SCFD1: variants seen among roughly 807,000 people sequenced by gnomAD.
SCFD1 encodes sec1 family domain-containing protein 1.
A neutral mutation model predicts 103.2 loss-of-function variants in SCFD1; 37 were observed. That is an observed-to-expected ratio of 0.36 (90% CI 0.28 to 0.47). The LOEUF (loss-of-function observed/expected upper bound fraction) is 0.47. Among genes scored for constraint, SCFD1 ranks in the 20% least tolerant of loss-of-function variants. The probability of loss-of-function intolerance (pLI) is 1.00; values close to 1 mark genes in which losing one functional copy is unlikely to be tolerated. For missense variants in SCFD1, 639 were observed against 761.2 expected, an observed-to-expected ratio of 0.84 and a Z score of 1.89; for synonymous variants, 264 against 245.0, an observed-to-expected ratio of 1.08 and a Z score of -0.73.
intron 23 of SCFD1, among the ~76,000 whole-genome samples, chr14:30,723,851 A>C (rs1566663964): frequency 6.6e-6 from 1 of 152,294 alleles, no homozygotes; most frequent in Non-Finnish European, 1.5e-5. Flanking sequence ...CAGTGCTGCA[A>C]GTGAACATAC....
intron 17 of SCFD1, among the ~76,000 whole-genome samples, chr14:30,705,071 T>G (rs974838973): frequency 6.6e-6 from 1 of 152,186 alleles, no homozygotes; most frequent in African/African-American, 2.4e-5. Flanking sequence ...ATCAATCGTA[T>G]TGTTTAGTTA....
At chr14:30,638,095 A>T (rs771031913) in intron 4 of SCFD1, 30 bp from the exon 5 acceptor site, 9 of 1,554,248 alleles carry the variant, frequency 5.8e-6, no homozygotes, top group Non-Finnish European at 7.8e-6. Flanking sequence ...TCTTTATCCT[A>T]TAAGAATAAA....
At chr14:30,627,467 C>T (rs761026817) in intron 1 of SCFD1, among the ~76,000 whole-genome samples, 1 of 152,112 alleles carries the variant, frequency 6.6e-6, no homozygotes, top group Non-Finnish European at 1.5e-5. Context: ...CTGATCCAGG[C>T]CGGGCGTGGT....
At chr14:30,649,791 C>G (rs1245341203) in intron 8 of SCFD1, among the ~76,000 whole-genome samples, 1 of 152,080 alleles carries the variant, frequency 6.6e-6, no homozygotes, top group East Asian at 1.9e-4. Flanking sequence ...ATTATTTACT[C>G]CGGTGTGCTA....
At chr14:30,638,752 AGTGACTTTTT>A in intron 5 of SCFD1, among the ~76,000 whole-genome samples, 1 of 152,282 alleles carries the variant, frequency 6.6e-6, no homozygotes, top group East Asian at 1.9e-4. Flanking sequence ...TCTACATCAT[AGTGACTTTTT>A]AGTCAGGTTC....
chr14:30,730,482 A>G (rs545525618), intron 23 of SCFD1, among the ~76,000 whole-genome samples: 2 of 152,226 alleles, frequency 1.3e-5, no homozygotes, highest in South Asian at 2.1e-4. Flanking sequence ...CCAACAGTGT[A>G]AAAGTGTTCC....
intron 1 of SCFD1, among the ~76,000 whole-genome samples, chr14:30,625,127 A>C (rs752219047): frequency 6.6e-6 from 1 of 152,086 alleles, no homozygotes; most frequent in Non-Finnish European, 1.5e-5. Context: ...AATGAAAGCT[A>C]CTTGAGGACA....
intron 1 of SCFD1, among the ~76,000 whole-genome samples, chr14:30,624,521 G>A (rs950560984): frequency 6.6e-6 from 1 of 152,094 alleles, no homozygotes; most frequent in African/African-American, 2.4e-5. Flanking sequence ...AGATCTTTCA[G>A]TAAATCTTGT....
chr14:30,711,100 A>G (rs1303290560), intron 19 of SCFD1, among the ~76,000 whole-genome samples: 2 of 152,236 alleles, frequency 1.3e-5, no homozygotes, highest in Non-Finnish European at 2.9e-5. Context: ...TTGTACAAGA[A>G]TGTGAAGATG....
At chr14:30,667,997 A>T (rs891951103) in intron 10 of SCFD1, among the ~76,000 whole-genome samples, 12 of 152,232 alleles carry the variant, frequency 7.9e-5, no homozygotes, top group Non-Finnish European at 1.8e-4. Flanking sequence ...TTATAGATTC[A>T]ATGCCATCCC....
chr14:30,631,167 G>A (rs868578165), intron 3 of SCFD1, among the ~76,000 whole-genome samples: 13 of 151,980 alleles, frequency 8.6e-5, no homozygotes, highest in African/African-American at 2.4e-4. Flanking sequence ...GCCTGGTCAC[G>A]TGGTGAAACG....
intron 7 of SCFD1, among the ~76,000 whole-genome samples, chr14:30,646,580 A>AT (rs1566592223): frequency 6.6e-6 from 1 of 151,842 alleles, no homozygotes; most frequent in Non-Finnish European, 1.5e-5. Context: ...CTGAAGTTTT[A>AT]TTTTTTTGTT....
chr14:30,623,080 T>A (rs920889942), intron 1 of SCFD1, among the ~76,000 whole-genome samples: 1 of 152,216 alleles, frequency 6.6e-6, no homozygotes, highest in Non-Finnish European at 1.5e-5. Context: ...AGTTTTGGGT[T>A]TTTTTCCGTC....
At chr14:30,683,130 G>T in intron 14 of SCFD1, 1 of 1,195,110 alleles carries the variant, frequency 8.4e-7, no homozygotes, top group Non-Finnish European at 1.2e-6. Flanking sequence ...GGGTTTGGCA[G>T]CATGTGTGTT....
At chr14:30,707,668 C>T in intron 18 of SCFD1, 1 of 336,562 alleles carries the variant, frequency 3.0e-6, no homozygotes, top group Non-Finnish European at 5.7e-6. Flanking sequence ...GAATTCTCTT[C>T]AAATTATAAC....
intron 15 of SCFD1, among the ~76,000 whole-genome samples, chr14:30,697,981 T>C (rs1456990860): frequency 6.6e-6 from 1 of 152,198 alleles, no homozygotes; most frequent in African/African-American, 2.4e-5. Flanking sequence ...ATGTGTCATG[T>C]AGTATATCAC....
chr14:30,627,564 C>T (rs531848782), intron 1 of SCFD1, among the ~76,000 whole-genome samples: 6 of 151,938 alleles, frequency 3.9e-5, no homozygotes, highest in African/African-American at 9.6e-5. Flanking sequence ...CTGACCAACA[C>T]GGAGAAACCT....
chr14:30,684,777 C>A (rs2139273735), intron 14 of SCFD1, among the ~76,000 whole-genome samples: 2 of 127,562 alleles, frequency 1.6e-5, no homozygotes, highest in African/African-American at 3.0e-5. Flanking sequence ...AAGTCTCCAA[C>A]ACAATGCTGT....
intron 10 of SCFD1, among the ~76,000 whole-genome samples, chr14:30,669,517 G>A (rs1046240242): frequency 2.6e-5 from 4 of 151,768 alleles, no homozygotes; most frequent in Admixed American, 1.3e-4. Context: ...TTGTGGGTTT[G>A]GTTTGGTTTG....
Sources: allele counts gnomAD v4.1 joint callset (sites outside exome capture counted in the v4.1 genomes callset), GRCh38; gene constraint gnomAD v4.1.1; transcripts MANE v1.5; gene names NCBI Gene and HGNC (gene_info 2026-07-23, HGNC 2026-07-21).